The following LUZP2 variants were observed in gnomAD, a reference collection of about 807,000 sequenced individuals.
The protein encoded by LUZP2 is leucine zipper protein 2.
In LUZP2, 52 loss-of-function variants were observed where a neutral mutation model predicts 51.6. The observed-to-expected ratio is 1.01, with a 90% CI of 0.81 to 1.27. LUZP2 has a LOEUF of 1.27. Among genes scored for constraint, LUZP2 ranks in the 50% most tolerant of loss-of-function variants. The pLI, the probability that LUZP2 is intolerant of heterozygous loss-of-function variation, is 0.00. For synonymous variants in LUZP2, 154 were observed against 137.3 expected (o/e 1.12, Z -0.85); for missense variants, 436 against 395.4 (o/e 1.10, Z -0.87).
At chr11:24,666,505 A>G (rs1856216809) in intron 1 of LUZP2, among the ~76,000 whole-genome samples, 1 of 152,314 alleles carries the variant, frequency 6.6e-6, no homozygotes, top group South Asian at 2.1e-4. Flanking sequence ...GAAAGAAACA[A>G]ATAGCTAAGA....
intron 7 of LUZP2, among the ~76,000 whole-genome samples, chr11:24,936,653 C>T (rs1854596665): frequency 6.6e-6 from 1 of 151,868 alleles, no homozygotes; most frequent in Admixed American, 6.6e-5. Context: ...CTCTCTCTGT[C>T]TATAAAGTAA....
At chr11:24,577,978 A>G (rs1477377825) in intron 1 of LUZP2, among the ~76,000 whole-genome samples, 1 of 152,172 alleles carries the variant, frequency 6.6e-6, no homozygotes, top group Non-Finnish European at 1.5e-5. Flanking sequence ...TGATGCCATC[A>G]GCGTTCTGTA....
intron 5 of LUZP2, among the ~76,000 whole-genome samples, chr11:24,896,468 G>A (rs1403041777): frequency 6.6e-6 from 1 of 152,180 alleles, no homozygotes; most frequent in Non-Finnish European, 1.5e-5. Context: ...CGGGTCCCCA[G>A]CACCACCGGC....
chr11:24,796,031 A>C (rs1849536540), intron 5 of LUZP2, among the ~76,000 whole-genome samples: 1 of 152,054 alleles, frequency 6.6e-6, no homozygotes, highest in Non-Finnish European at 1.5e-5. Flanking sequence ...ACTTATTTTG[A>C]GTGTTCTCAA....
At chr11:24,764,667 T>G (rs1435049625) in intron 5 of LUZP2, among the ~76,000 whole-genome samples, 1 of 151,486 alleles carries the variant, frequency 6.6e-6, no homozygotes, top group African/African-American at 2.4e-5. Flanking sequence ...CTGTCTCTAT[T>G]AAAAATAAGT....
At chr11:24,858,455 C>T (rs1043624414) in intron 5 of LUZP2, among the ~76,000 whole-genome samples, 4 of 152,192 alleles carry the variant, frequency 2.6e-5, no homozygotes, top group East Asian at 3.9e-4. Context: ...TTCTTTCTCA[C>T]TGGGGGAGAA....
chr11:25,027,911 G>A (rs1242630654), intron 9 of LUZP2, among the ~76,000 whole-genome samples: 1 of 150,794 alleles, frequency 6.6e-6, no homozygotes, highest in Non-Finnish European at 1.5e-5. Flanking sequence ...TACCATCAAT[G>A]TTTTCCATTG....
At chr11:24,994,008 G>T (rs534807154) in intron 9 of LUZP2, among the ~76,000 whole-genome samples, 2 of 151,960 alleles carry the variant, frequency 1.3e-5, no homozygotes, top group Non-Finnish European at 2.9e-5. Context: ...TTACAGGCAC[G>T]TGCCAACACG....
intron 5 of LUZP2, chr11:24,786,455 T>C (rs373029272): frequency 1.0e-6 from 1 of 982,260 alleles, no homozygotes; most frequent in Non-Finnish European, 1.2e-6. Flanking sequence ...TCTGCGTAAA[T>C]ATCATATTAA....
At chr11:25,008,187 C>A (rs982427513) in intron 9 of LUZP2, among the ~76,000 whole-genome samples, 7 of 152,184 alleles carry the variant, frequency 4.6e-5, no homozygotes, top group African/African-American at 1.7e-4. Flanking sequence ...TGCTACTGGC[C>A]TGGATTCTGC....
chr11:24,591,566 G>C (rs1203694355), intron 1 of LUZP2, among the ~76,000 whole-genome samples: 1 of 152,126 alleles, frequency 6.6e-6, no homozygotes, highest in Non-Finnish European at 1.5e-5. Context: ...AGTCAACTTT[G>C]CTCAAAGTCT....
rs989121051 is a variant in LUZP2, at chr11:24,950,489, A to G, written c.523-26102A>G. On this transcript the variant is annotated intron_variant, in intron 7 of 11. Coordinates refer to ENST00000336930, the MANE Select transcript of LUZP2 (RefSeq NM_001009909.4). The stretch of plus-strand genomic sequence containing the variant: ...GACAGCTCCAAGCCAGGTGAAATAA[A>G]TATTTGATCTCTATTTTGACAGATA... Among the ~76,000 whole-genome samples, 17 of 151,746 alleles carry G rather than the reference A, an allele frequency of 1.1e-4. 1 individual carries two copies. In the East Asian group the frequency reaches 2.3e-3, roughly 21 times the overall value.
At position 25,006,046 on chromosome 11, in the gene LUZP2, G is replaced by A. The variant is rs183820590; in HGVS notation, c.765+22753G>A. Among the ~76,000 whole-genome samples the A allele has an allele frequency of 1.2e-3, 188 of 152,172 alleles. 2 individuals carry two copies. The highest frequency in any genetic ancestry group is 0.01 in the Middle Eastern group (3 of 294). On this transcript the variant is annotated intron_variant, in intron 9 of 11. Transcript: ENST00000336930. ...TGAATAGGAAGGATACAATTTCTGA[G>A]GCTCCCCATATCCCCTGCTTGTCTG...
intron 5 of LUZP2, among the ~76,000 whole-genome samples, chr11:24,776,877 C>T (rs555244034): frequency 6.6e-6 from 1 of 152,230 alleles, no homozygotes; most frequent in East Asian, 1.9e-4. Context: ...ATTGTATGTA[C>T]TTGACACCCA....
chr11:24,915,761 G>T (rs1853771052), intron 7 of LUZP2, among the ~76,000 whole-genome samples: 2 of 151,838 alleles, frequency 1.3e-5, no homozygotes, highest in African/African-American at 2.4e-5. Flanking sequence ...TCAACTGTTA[G>T]GTTAGTGCAA....
rs12277827 is a variant in LUZP2 at position 24,621,654 on chromosome 11, T to C, written c.63-107515T>C. Among the ~76,000 whole-genome samples the C allele has an allele frequency of 8.5e-3, 1,302 of 152,306 alleles. 11 individuals are homozygous for C. Among genetic ancestry groups the C allele is most frequent in the South Asian group, 0.018 (85 of 4,830 alleles). ...CTTCACTTTAGCTATTTTCTGTATCTATATTATATTTTTCCTTAAGGTTTT... is the reference window on the plus strand; with the variant it reads ...CTTCACTTTAGCTATTTTCTGTATCCATATTATATTTTTCCTTAAGGTTTT... On this transcript the variant is annotated intron_variant, in intron 1 of 11. Transcript: ENST00000336930.
At chr11:24,973,909 G>A (rs963015230) in intron 7 of LUZP2, among the ~76,000 whole-genome samples, 1 of 152,032 alleles carries the variant, frequency 6.6e-6, no homozygotes, top group Admixed American at 6.6e-5. Context: ...TGTATATTCT[G>A]TTGTTTTTTA....
At chr11:24,684,267 GC>G (rs948548255) in intron 1 of LUZP2, among the ~76,000 whole-genome samples, 2 of 151,490 alleles carry the variant, frequency 1.3e-5, no homozygotes, top group African/African-American at 2.4e-5. Context: ...GATCCTAATT[GC>G]CCATAGGAAA....
intron 5 of LUZP2, among the ~76,000 whole-genome samples, chr11:24,830,820 C>T (rs1170090856): frequency 1.2e-4 from 18 of 151,688 alleles, no homozygotes. Flanking sequence ...TGGTGAAACC[C>T]CGTCTCTACT....
Sources: allele counts gnomAD v4.1 joint callset (sites outside exome capture counted in the v4.1 genomes callset), GRCh38; gene constraint gnomAD v4.1.1; transcripts MANE v1.5; gene names NCBI Gene and HGNC (gene_info 2026-07-23, HGNC 2026-07-21).